The following RNF157 variants were observed in gnomAD, a reference collection of about 807,000 sequenced individuals.
RNF157 encodes E3 ubiquitin ligase RNF157.
In RNF157, 55 loss-of-function variants were observed where a neutral mutation model predicts 88.3. The ratio of observed to expected loss-of-function variants is 0.62; its 90% CI spans 0.50 to 0.78. RNF157 has a LOEUF of 0.78. Among genes scored for constraint, RNF157 ranks in the 30% least tolerant of loss-of-function variants. The pLI, the probability that RNF157 is intolerant of heterozygous loss-of-function variation, is 0.00. For synonymous variants in RNF157, 334 were observed against 341.2 expected (o/e 0.98, Z 0.23); for missense variants, 788 against 860.8 (o/e 0.92, Z 1.06).
chr17:76,156,172 G>A (rs1248505513), intron 14 of RNF157, 38 bp downstream of exon 14: 1 of 1,510,168 alleles, frequency 6.6e-7, no homozygotes, highest in Admixed American at 1.7e-5. Context: ...GCTGGGTAAG[G>A]GGGAAGGACA....
chr17:76,188,685 C>T (rs2069333793), intron 2 of RNF157, among the ~76,000 whole-genome samples: 2 of 152,218 alleles, frequency 1.3e-5, no homozygotes, highest in African/African-American at 4.8e-5. Flanking sequence ...TTAATACAAA[C>T]ATTCTCTTAT....
At chr17:76,223,598 C>G (rs367565781) in intron 1 of RNF157, among the ~76,000 whole-genome samples, 3 of 152,262 alleles carry the variant, frequency 2.0e-5, no homozygotes, top group East Asian at 1.9e-4. Context: ...ATATAAAACC[C>G]AAATTTTTTT....
chr17:76,170,030 G>A (rs907111840), intron 3 of RNF157, among the ~76,000 whole-genome samples: 1 of 152,152 alleles, frequency 6.6e-6, no homozygotes, highest in African/African-American at 2.4e-5. Context: ...CAGGACTTGG[G>A]GATCCTGGGC....
At chr17:76,164,659 TA>T (rs1316810758) in intron 8 of RNF157, 88 bp downstream of exon 8, 10 of 650,166 alleles carry the variant, frequency 1.5e-5, no homozygotes, top group Admixed American at 1.4e-4. Context: ...AAAACAAAAA[TA>T]AAAAAAGAGG....
intron 2 of RNF157, among the ~76,000 whole-genome samples, chr17:76,187,586 T>TTTTA (rs906307813): frequency 7.9e-5 from 12 of 151,858 alleles, no homozygotes; most frequent in African/African-American, 2.2e-4. Context: ...GATAGTTTTA[T>TTTTA]TTTATTTATT....
rs774932725 is a variant in RNF157 at position 76,145,260 on chromosome 17, C to G, written c.2015G>C (p.Cys672Ser). Residue 672 changes from cysteine (C) to serine (S), a missense_variant, in exon 19 of 19, where the codon TGT (cysteine) becomes TCT (serine). Coordinates refer to ENST00000269391, the MANE Select transcript of RNF157 (RefSeq NM_052916.3). ...SSLEDSETRP[C>S]VWGPLAV ...TCAGACAGCCAAAGGGCCCCACACA[C>G]AGGGCCTCGTCTCAGAGTCCTCCAG... The G allele has an allele frequency of 1.9e-5, 30 of 1,606,780 alleles. No individual in the cohort carries two copies. In the East Asian group the frequency reaches 5.4e-4, roughly 29 times the overall value.
chr17:76,147,586 C>T lies in RNF157; in HGVS notation c.1922-2233G>A, dbSNP rs115809194. 1,101 of 152,798 alleles carry T rather than the reference C, an allele frequency of 7.2e-3. 17 individuals are homozygous for T. Among genetic ancestry groups the T allele is most frequent in the African/African-American group, 0.025 (1,040 of 41,580 alleles). 9.5% of individuals were successfully genotyped at this position (152,798 alleles called of 1,614,324 possible). A position where few individuals can be genotyped will look rare whatever the true frequency, so the allele number is the denominator to read the frequency against. On this transcript the variant is annotated intron_variant, in intron 18 of 18. Coordinates refer to ENST00000269391, the MANE Select transcript of RNF157 (RefSeq NM_052916.3). ...TCAAGAATCAGATCTGAAGTCTGCTCTCCTGGCCTCTTGGTATGCTCTGTG... is the reference window on the plus strand; with the variant it reads ...TCAAGAATCAGATCTGAAGTCTGCTTTCCTGGCCTCTTGGTATGCTCTGTG...
chr17:76,154,227 G>A, intron 17 of RNF157, 56 bp downstream of exon 17: 1 of 1,317,102 alleles, frequency 7.6e-7, no homozygotes, highest in Non-Finnish European at 1.1e-6. Context: ...ACCCCTTAAA[G>A]AATACCCAGG....
At chr17:76,233,384 C>T (rs1011162473) in intron 1 of RNF157, among the ~76,000 whole-genome samples, 5 of 151,878 alleles carry the variant, frequency 3.3e-5, no homozygotes, top group Non-Finnish European at 1.5e-5. Flanking sequence ...TTTTTAATTT[C>T]GAAGAAATCC....
chr17:76,212,826 A>T (rs573649521), intron 1 of RNF157, among the ~76,000 whole-genome samples: 1 of 152,312 alleles, frequency 6.6e-6, no homozygotes, highest in African/African-American at 2.4e-5. Context: ...CTAGCACTAC[A>T]CTCCAGTCTG....
chr17:76,239,922 C>T (rs1306379563), intron 1 of RNF157, among the ~76,000 whole-genome samples: 1 of 152,170 alleles, frequency 6.6e-6, no homozygotes, highest in Non-Finnish European at 1.5e-5. Context: ...TGGAGGGGCT[C>T]GGTGCCCTCG....
chr17:76,224,805 T>C (rs1170353487), intron 1 of RNF157, among the ~76,000 whole-genome samples: 1 of 152,146 alleles, frequency 6.6e-6, no homozygotes, highest in Non-Finnish European at 1.5e-5. Context: ...TTCAAAGCCA[T>C]CCTGGGCCAC....
At chr17:76,203,602 G>A (rs961098329) in intron 2 of RNF157, among the ~76,000 whole-genome samples, 6 of 151,064 alleles carry the variant, frequency 4.0e-5, no homozygotes, top group Admixed American at 6.6e-5. Flanking sequence ...ACGGGAACCC[G>A]CCATCATGCC....
At chr17:76,237,696 A>G (rs1408924497) in intron 1 of RNF157, among the ~76,000 whole-genome samples, 1 of 152,262 alleles carries the variant, frequency 6.6e-6, no homozygotes, top group Admixed American at 6.5e-5. Flanking sequence ...CCATTTTCTT[A>G]TCAGTGAAAT....
Position 76,154,325 on chromosome 17 carries a change from T to C in RNF157, c.1768A>G (p.Asn590Asp). 1.2e-6 allele frequency: 2 copies of C among 1,611,678 alleles called. No individual in the cohort carries two copies. Among genetic ancestry groups the C allele is most frequent in the Non-Finnish European group, 1.7e-6 (2 of 1,177,746 alleles). ...LPAGEQDAEGNDVIEEEDGSP... is the reference protein window; with the variant it reads ...LPAGEQDAEGDDVIEEEDGSP... ...CCATCCTCTTCCTCTATAACATCAT[T>C]TCCCTAGGACAGAAGGAAGGCCCTG... Residue 590 changes from asparagine (N) to aspartate (D), a missense_variant, in exon 17 of 19, where the codon AAT (asparagine) becomes GAT (aspartate). By Grantham distance (23) the Asn-to-Asp change is conservative (BLOSUM62 1). Transcript: ENST00000269391.
intron 2 of RNF157, among the ~76,000 whole-genome samples, chr17:76,182,388 C>T (rs1292631998): frequency 6.6e-6 from 1 of 151,962 alleles, no homozygotes; most frequent in Non-Finnish European, 1.5e-5. Flanking sequence ...CCAGACCATG[C>T]CCAAATGCAG....
chr17:76,229,505 C>T (rs980064817), intron 1 of RNF157, among the ~76,000 whole-genome samples: 6 of 152,364 alleles, frequency 3.9e-5, no homozygotes, highest in African/African-American at 1.4e-4. Flanking sequence ...TGGCTTCTCC[C>T]TTCCCATACT....
rs2069817531 is a variant in RNF157, at chr17:76,212,421, T to C, written c.150A>G (p.Glu50=). ...CGCTGTTCTCTCCAAACAGGTAACC[T>C]TCAGGATGAGTTGAGTCAAACTTCT... ...GGEKFDSTHP[E]GYLFGENSDL... Residue 50 remains glutamate, a synonymous_variant, in exon 2 of 19, where the codon GAA becomes GAG. Coordinates refer to ENST00000269391, the MANE Select transcript of RNF157 (RefSeq NM_052916.3). The C allele has an allele frequency of 1.9e-6, 3 of 1,614,044 alleles. No homozygotes were observed. Among genetic ancestry groups the C allele is most frequent in the Non-Finnish European group, 1.7e-6 (2 of 1,179,968 alleles).
intron 2 of RNF157, among the ~76,000 whole-genome samples, chr17:76,194,982 T>C (rs532617940): frequency 1.3e-5 from 2 of 152,014 alleles, no homozygotes; most frequent in East Asian, 1.9e-4. Context: ...ACCACTGCAC[T>C]CCAGCCTGGG....
Sources: allele counts gnomAD v4.1 joint callset (sites outside exome capture counted in the v4.1 genomes callset), GRCh38; gene constraint gnomAD v4.1.1; transcripts MANE v1.5; gene names NCBI Gene and HGNC (gene_info 2026-07-23, HGNC 2026-07-21).